LRRTM4: variants seen among roughly 807,000 people sequenced by gnomAD.
The protein encoded by LRRTM4 is leucine rich repeat transmembrane neuronal 4, also known as leucine-rich repeat transmembrane neuronal protein 4.
Under a neutral mutation model 47.6 loss-of-function variants are expected in LRRTM4, and 25 were observed. That is an observed-to-expected ratio of 0.53 (90% CI 0.38 to 0.73). LRRTM4 has a LOEUF of 0.73. Ranked by LOEUF, LRRTM4 falls within the 30% of genes least tolerant of loss-of-function variation. LRRTM4 has a pLI of 0.00. For missense variants in LRRTM4, 638 were observed against 713.4 expected, an observed-to-expected ratio of 0.89 and a Z score of 1.20; for synonymous variants, 311 against 269.5, an observed-to-expected ratio of 1.15 and a Z score of -1.51.
At chr2:76,847,815 T>C (rs1343021703) in intron 3 of LRRTM4, among the ~76,000 whole-genome samples, 2 of 152,146 alleles carry the variant, frequency 1.3e-5, no homozygotes, top group East Asian at 3.9e-4. Context: ...GAATGTTTAA[T>C]AAAATTTTAT....
intron 3 of LRRTM4, among the ~76,000 whole-genome samples, chr2:77,145,297 T>TATA (rs1365254393): frequency 1.3e-5 from 2 of 151,620 alleles, no homozygotes; most frequent in African/African-American, 4.8e-5. Flanking sequence ...AGTAAAAGTA[T>TATA]ATAAAATAAA....
chr2:77,487,784 T>A (rs1677976414), intron 3 of LRRTM4, among the ~76,000 whole-genome samples: 1 of 152,118 alleles, frequency 6.6e-6, no homozygotes, highest in Non-Finnish European at 1.5e-5. Flanking sequence ...TGGCCACCCA[T>A]GGACCAATCA....
rs183776721 is a variant in LRRTM4, at chr2:76,997,387, C to A, written c.1552-248471G>T. On this transcript the variant is annotated intron_variant, in intron 3 of 3. Transcript: ENST00000409884. ...TGATGATTTAAAAATCTCTTATTTGCCTTAGTTTGTTGAGATGTTTTATTC... is the reference window on the plus strand; with the variant it reads ...TGATGATTTAAAAATCTCTTATTTGACTTAGTTTGTTGAGATGTTTTATTC... Among the ~76,000 whole-genome samples the A allele has an allele frequency of 2.0e-3, 296 of 151,646 alleles. 1 individual carries two copies. Among genetic ancestry groups the A allele is most frequent in the Non-Finnish European group, 3.4e-3 (233 of 67,892 alleles).
intron 3 of LRRTM4, among the ~76,000 whole-genome samples, chr2:76,858,355 C>T (rs1011320699): frequency 1.2e-4 from 19 of 152,246 alleles, no homozygotes; most frequent in Non-Finnish European, 2.2e-4. Context: ...TGACTTTTTC[C>T]GACCTGAAGT....
chr2:76,749,522 A>G (rs985450879), intron 3 of LRRTM4, among the ~76,000 whole-genome samples: 7 of 152,106 alleles, frequency 4.6e-5, no homozygotes, highest in African/African-American at 1.7e-4. Context: ...CTAACACTCT[A>G]TCACATATCA....
chr2:76,899,804 A>G (rs1673559553), intron 3 of LRRTM4, among the ~76,000 whole-genome samples: 1 of 152,250 alleles, frequency 6.6e-6, no homozygotes, highest in Non-Finnish European at 1.5e-5. Context: ...AAAGTAATTC[A>G]CTAGATAGTT....
intron 3 of LRRTM4, among the ~76,000 whole-genome samples, chr2:77,035,260 AAAACAAAC>A (rs199622118): frequency 1.9e-4 from 28 of 151,234 alleles, no homozygotes; most frequent in South Asian, 4.2e-4. Context: ...AGTTCTAAGA[AAAACAAAC>A]AAACAAACAA....
At chr2:77,116,478 G>A (rs1001296430) in intron 3 of LRRTM4, among the ~76,000 whole-genome samples, 1 of 152,092 alleles carries the variant, frequency 6.6e-6, no homozygotes. Context: ...AGTTTAAGAA[G>A]GGTTAGTCAT....
Position 77,265,942 on chromosome 2 carries a change from C to A in LRRTM4, c.1551+252376G>T, listed in dbSNP as rs150627412. 2.6e-5 allele frequency among the ~76,000 whole-genome samples: 4 copies of A among 152,220 alleles called. No individual in the cohort carries two copies. The East Asian group carries it at 7.8e-4, about 30-fold the overall frequency. Reference sequence around the variant, plus strand: ...TTTAGATGTAAAAAGGTAAGCATAACATTACTTGTTGAAAACATAAGTTAG... The same window carrying A: ...TTTAGATGTAAAAAGGTAAGCATAAAATTACTTGTTGAAAACATAAGTTAG... On this transcript the variant is annotated intron_variant, in intron 3 of 3. Coordinates refer to ENST00000409884, the MANE Select transcript of LRRTM4 (RefSeq NM_001134745.3).
At chr2:77,486,848 A>C (rs903997408) in intron 3 of LRRTM4, among the ~76,000 whole-genome samples, 2 of 152,208 alleles carry the variant, frequency 1.3e-5, no homozygotes, top group African/African-American at 2.4e-5. Context: ...TCTTCTGATA[A>C]AGATCTAAAA....
At chr2:77,414,621 C>T (rs760210813) in intron 3 of LRRTM4, among the ~76,000 whole-genome samples, 7 of 152,172 alleles carry the variant, frequency 4.6e-5, no homozygotes, top group Admixed American at 2.6e-4. Flanking sequence ...TGTGCTTTTT[C>T]CTACAGTTTC....
At chr2:77,128,149 A>AC (rs386390526) in intron 3 of LRRTM4, among the ~76,000 whole-genome samples, 201 of 151,606 alleles carry the variant, frequency 1.3e-3, no homozygotes, top group African/African-American at 4.1e-3. Context: ...TCTCAAAAAA[A>AC]AAAACAAAAC....
At chr2:77,255,386 A>G (rs1198785440) in intron 3 of LRRTM4, among the ~76,000 whole-genome samples, 1 of 152,022 alleles carries the variant, frequency 6.6e-6, no homozygotes, top group Non-Finnish European at 1.5e-5. Context: ...GCAAGTATAT[A>G]TAAGAACCAG....
At chr2:77,004,556 T>C (rs1014747134) in intron 3 of LRRTM4, among the ~76,000 whole-genome samples, 2 of 152,132 alleles carry the variant, frequency 1.3e-5, no homozygotes, top group African/African-American at 4.8e-5. Context: ...GGTGCCCTCA[T>C]GGAGAACCTC....
chr2:77,265,907 T>A (rs936782410), intron 3 of LRRTM4, among the ~76,000 whole-genome samples: 7 of 152,176 alleles, frequency 4.6e-5, no homozygotes, highest in Admixed American at 2.0e-4. Flanking sequence ...AAATTTCAGA[T>A]GACATAAGAT....
At chr2:76,866,574 T>C (rs1573230779) in intron 3 of LRRTM4, among the ~76,000 whole-genome samples, 2 of 152,326 alleles carry the variant, frequency 1.3e-5, no homozygotes, top group East Asian at 3.9e-4. Flanking sequence ...CTGTATCCTT[T>C]TTCAAACAAT....
chr2:77,374,919 C>G (rs942385494), intron 3 of LRRTM4, among the ~76,000 whole-genome samples: 1 of 151,568 alleles, frequency 6.6e-6, no homozygotes, highest in Non-Finnish European at 1.5e-5. Flanking sequence ...TCCAGAAGAA[C>G]CTCCTCCAGA....
chr2:77,201,696 C>T (rs1673979440), intron 3 of LRRTM4, among the ~76,000 whole-genome samples: 1 of 151,906 alleles, frequency 6.6e-6, no homozygotes, highest in Admixed American at 6.6e-5. Flanking sequence ...TCAATATGTG[C>T]CAAGGGGTAA....
intron 3 of LRRTM4, among the ~76,000 whole-genome samples, chr2:77,258,482 C>T (rs1433153913): frequency 6.6e-5 from 10 of 151,968 alleles, no homozygotes; most frequent in Admixed American, 2.0e-4. Context: ...GTTGCATTTA[C>T]AGTTACATAA....
Sources: gnomAD v4.1 joint callset for allele counts (sites outside exome capture counted in the v4.1 genomes callset) on GRCh38, gnomAD v4.1.1 for gene constraint, MANE v1.5 for transcripts, NCBI Gene and HGNC (gene_info 2026-07-23, HGNC 2026-07-21) for gene names.